Variants in TIMP2 observed in about 807,000 individuals in gnomAD.
TIMP2 encodes the protein TIMP metallopeptidase inhibitor 2, also known as metalloproteinase inhibitor 2.
TIMP2 carries 5 observed loss-of-function variants against 24.3 expected under a neutral mutation model. That is an observed-to-expected ratio of 0.21 (90% CI 0.11 to 0.43). TIMP2 has a LOEUF of 0.43. Ranked by LOEUF, TIMP2 falls within the 20% of genes least tolerant of loss-of-function variation. The pLI is 1.00. For missense variants in TIMP2, 221 were observed against 297.5 expected (o/e 0.74, Z 1.89); for synonymous variants, 130 against 123.2 (o/e 1.06, Z -0.37).
At chr17:78,902,968 G>A (rs1003819090) in intron 1 of TIMP2, among the ~76,000 whole-genome samples, 2 of 152,170 alleles carry the variant, frequency 1.3e-5, no homozygotes, top group Non-Finnish European at 2.9e-5. Flanking sequence ...GGACTTTGCC[G>A]CTGGCCTTGC....
intron 1 of TIMP2, among the ~76,000 whole-genome samples, chr17:78,914,096 G>A (rs938239517): frequency 2.0e-5 from 3 of 152,072 alleles, no homozygotes; most frequent in African/African-American, 7.2e-5. Context: ...CTTCCTCTGC[G>A]AGGGTGCAAG....
chr17:78,918,099 C>CACACACACACA (rs1491362076), intron 1 of TIMP2, among the ~76,000 whole-genome samples: 1 of 150,646 alleles, frequency 6.6e-6, no homozygotes, highest in African/African-American at 2.5e-5. Context: ...CACACACACA[C>CACACACACACA]AACTTCACTT....
At chr17:78,917,343 T>C (rs2070268930) in intron 1 of TIMP2, among the ~76,000 whole-genome samples, 1 of 151,460 alleles carries the variant, frequency 6.6e-6, no homozygotes, top group Non-Finnish European at 1.5e-5. Flanking sequence ...GGCAGGAGAA[T>C]TGCTTGAACC....
chr17:78,868,111 A>G (rs1374475714), intron 3 of TIMP2, among the ~76,000 whole-genome samples: 3 of 152,204 alleles, frequency 2.0e-5, no homozygotes, highest in African/African-American at 2.4e-5. Context: ...TTAGAAGGGA[A>G]AAAAGTACAT....
At chr17:78,870,394 C>T (rs1435244133) in intron 3 of TIMP2, among the ~76,000 whole-genome samples, 11 of 143,868 alleles carry the variant, frequency 7.6e-5, no homozygotes, top group East Asian at 6.1e-4. Context: ...CCAGCCTGGG[C>T]GACAGAGCGA....
At chr17:78,871,741 G>C (rs571705294) in intron 2 of TIMP2, among the ~76,000 whole-genome samples, 93 of 151,800 alleles carry the variant, frequency 6.1e-4, no homozygotes, top group Admixed American at 4.3e-3. Flanking sequence ...AGCTACTCGG[G>C]AGGCTGAGGC....
At chr17:78,874,412 G>A (rs1263112916) in intron 1 of TIMP2, among the ~76,000 whole-genome samples, 1 of 152,152 alleles carries the variant, frequency 6.6e-6, no homozygotes, top group Non-Finnish European at 1.5e-5. Context: ...TCCAGCCACG[G>A]CCTATTGGAA....
At chr17:78,879,476 CTACT>C (rs929221004) in intron 1 of TIMP2, among the ~76,000 whole-genome samples, 34 of 152,322 alleles carry the variant, frequency 2.2e-4, no homozygotes, top group African/African-American at 7.5e-4. Flanking sequence ...TACTGAACAC[CTACT>C]GGGTGCTGGG....
At chr17:78,918,371 C>A (rs956160036) in intron 1 of TIMP2, among the ~76,000 whole-genome samples, 4 of 152,156 alleles carry the variant, frequency 2.6e-5, no homozygotes, top group African/African-American at 9.7e-5. Flanking sequence ...CTTCCCTCTG[C>A]CGCTGCACAG....
intron 1 of TIMP2, among the ~76,000 whole-genome samples, chr17:78,881,060 G>A (rs1251624973): frequency 6.6e-6 from 1 of 152,226 alleles, no homozygotes; most frequent in Non-Finnish European, 1.5e-5. Context: ...GAGGTGCAGG[G>A]ATCCCTGGGA....
At position 78,924,912 on chromosome 17, in the gene TIMP2, C is replaced by T. The variant is rs1568011258; in HGVS notation, c.130+47G>A. 2.0e-6 allele frequency: 2 copies of T among 1,022,414 alleles called. No individual in the cohort carries two copies. The highest frequency in any genetic ancestry group is 6.5e-5 in the East Asian group (1 of 15,406). 63.3% of individuals were successfully genotyped at this position (1,022,414 alleles called of 1,614,324 possible). A position where few individuals can be genotyped will look rare whatever the true frequency, so the allele number is the denominator to read the frequency against. ...GGGCGTCTGCGAACCCTCGGGGTCG[C>T]GGGGGAGGTGGGGCCCCGCGCGGGG... On this transcript the variant is annotated intron_variant, in intron 1 of 4. Coordinates refer to ENST00000262768, the MANE Select transcript of TIMP2 (RefSeq NM_003255.5). The surrounding 1 kb of genome is among the most constrained non-coding windows in gnomAD (Gnocchi z 5.3).
Position 78,855,377 on chromosome 17 carries a change from G to A in TIMP2, c.*290C>T, listed in dbSNP as rs2069516885. ...TGGCATCTGTGACGGTGCCAAGGCA[G>A]GGACTGGGAGGGAAGCCGCGTGTCC... On this transcript the variant is annotated 3_prime_UTR_variant, in exon 5 of 5. Coordinates refer to ENST00000262768, the MANE Select transcript of TIMP2 (RefSeq NM_003255.5). The surrounding 1 kb of genome is among the most constrained non-coding windows in gnomAD (Gnocchi z 6.0). 1.1e-5 allele frequency: 5 copies of A among 463,928 alleles called. No homozygotes were observed. Among genetic ancestry groups the A allele is most frequent in the Non-Finnish European group, 2.0e-5 (5 of 252,224 alleles). The allele number at this position is 463,928 out of a possible 1,614,324, so 28.7% of individuals were successfully genotyped here. A position where few individuals can be genotyped will look rare whatever the true frequency, so the allele number is the denominator to read the frequency against.
intron 3 of TIMP2, among the ~76,000 whole-genome samples, chr17:78,870,309 G>A (rs1483080179): frequency 2.0e-5 from 3 of 151,732 alleles, no homozygotes; most frequent in Non-Finnish European, 4.4e-5. Flanking sequence ...CCAACTACTC[G>A]GGAGGCTGAG....
chr17:78,917,076 C>T (rs947761401), intron 1 of TIMP2, among the ~76,000 whole-genome samples: 1 of 152,154 alleles, frequency 6.6e-6, no homozygotes, highest in African/African-American at 2.4e-5. Context: ...CAGGGTGAAA[C>T]CCCGTCTCTA....
rs374653722 is a variant in TIMP2, at chr17:78,870,879, T to C, written c.340+19A>G. 102 of 1,605,580 alleles carry C rather than the reference T, an allele frequency of 6.4e-5. 1 individual carries two copies. In the African/African-American group the frequency reaches 1.3e-3, roughly 21 times the overall value. ...CACTTCTGTGCCAGCCTCCGGCTGATGGCCCCACTCATACACACCTGCAAT... is the reference window on the plus strand; with the variant it reads ...CACTTCTGTGCCAGCCTCCGGCTGACGGCCCCACTCATACACACCTGCAAT... On this transcript the variant is annotated intron_variant, in intron 3 of 4. Coordinates refer to ENST00000262768, the MANE Select transcript of TIMP2 (RefSeq NM_003255.5).
intron 2 of TIMP2, among the ~76,000 whole-genome samples, chr17:78,872,435 A>G (rs1210782830): frequency 6.6e-6 from 1 of 152,104 alleles, no homozygotes; most frequent in African/African-American, 2.4e-5. Flanking sequence ...TCAGGAACGC[A>G]CCTGCTGCCC....
intron 1 of TIMP2, among the ~76,000 whole-genome samples, chr17:78,895,449 C>G (rs973906263): frequency 6.6e-6 from 1 of 152,144 alleles, no homozygotes; most frequent in Non-Finnish European, 1.5e-5. Flanking sequence ...TCCACTCCAA[C>G]GGCTGTCGTC....
At chr17:78,919,424 C>T (rs1403985811) in intron 1 of TIMP2, among the ~76,000 whole-genome samples, 2 of 152,338 alleles carry the variant, frequency 1.3e-5, no homozygotes, top group Non-Finnish European at 2.9e-5. Flanking sequence ...AACACCTGTG[C>T]ACACCCCACC....
intron 3 of TIMP2, among the ~76,000 whole-genome samples, chr17:78,862,256 G>A (rs1159296520): frequency 1.3e-5 from 2 of 152,196 alleles, no homozygotes; most frequent in Non-Finnish European, 2.9e-5. Flanking sequence ...AGAGCTGAGT[G>A]GTTCACTGTG....
Sources: allele counts gnomAD v4.1 joint callset (sites outside exome capture counted in the v4.1 genomes callset), GRCh38; gene constraint gnomAD v4.1.1; non-coding constraint Gnocchi (gnomAD v3.1); transcripts MANE v1.5; gene names NCBI Gene and HGNC (gene_info 2026-07-23, HGNC 2026-07-21).